MED27: variants seen among roughly 807,000 people sequenced by gnomAD.
MED27 encodes the protein mediator of RNA polymerase II transcription subunit 27.
MED27 carries 30 observed loss-of-function variants against 38.2 expected under a neutral mutation model. The observed-to-expected ratio is 0.79, with a 90% CI of 0.59 to 1.07. MED27 has a LOEUF of 1.07. Ranked by LOEUF, MED27 falls within the 50% of genes least tolerant of loss-of-function variation. The pLI is 0.00. For missense variants in MED27, 289 were observed against 397.5 expected, an observed-to-expected ratio of 0.73 and a Z score of 2.32; for synonymous variants, 122 against 153.5, an observed-to-expected ratio of 0.79 and a Z score of 1.52.
intron 2 of MED27, among the ~76,000 whole-genome samples, chr9:132,016,429 G>A (rs980652218): frequency 7.2e-5 from 11 of 152,164 alleles, no homozygotes; most frequent in Admixed American, 2.0e-4. Context: ...GGTAGAAAGG[G>A]GGGAGCATAA....
chr9:131,963,311 T>C (rs1361616421), intron 3 of MED27, among the ~76,000 whole-genome samples: 1 of 152,116 alleles, frequency 6.6e-6, no homozygotes, highest in Non-Finnish European at 1.5e-5. Flanking sequence ...GAGGTTAGCA[T>C]TTCTGAAACA....
chr9:131,875,572 C>T (rs532362981), intron 6 of MED27, among the ~76,000 whole-genome samples: 27 of 152,324 alleles, frequency 1.8e-4, no homozygotes, highest in South Asian at 4.1e-4. Flanking sequence ...AGAGTGTCAC[C>T]ATTGACAGGC....
intron 2 of MED27, among the ~76,000 whole-genome samples, chr9:132,056,345 A>G (rs547244448): frequency 6.6e-5 from 10 of 152,320 alleles, no homozygotes; most frequent in Admixed American, 5.2e-4. Flanking sequence ...GCAAACTTCA[A>G]ATGTATAAGG....
At chr9:132,026,764 T>C (rs1320573498) in intron 2 of MED27, among the ~76,000 whole-genome samples, 1 of 152,180 alleles carries the variant, frequency 6.6e-6, no homozygotes, top group Non-Finnish European at 1.5e-5. Context: ...AGAACAGTGC[T>C]TGGCCTATCA....
intron 2 of MED27, among the ~76,000 whole-genome samples, chr9:132,054,200 C>T (rs1483581167): frequency 6.6e-6 from 1 of 152,036 alleles, no homozygotes; most frequent in Admixed American, 6.6e-5. Flanking sequence ...GGGGCGGATC[C>T]CTCATGGCTT....
At chr9:131,983,381 A>C (rs1236463716) in intron 3 of MED27, among the ~76,000 whole-genome samples, 2 of 152,254 alleles carry the variant, frequency 1.3e-5, no homozygotes, top group Non-Finnish European at 2.9e-5. Flanking sequence ...TAACCTGCCA[A>C]GCAAACTTTC....
intron 2 of MED27, among the ~76,000 whole-genome samples, chr9:132,069,581 G>C (rs1261036268): frequency 6.6e-6 from 1 of 152,206 alleles, no homozygotes; most frequent in African/African-American, 2.4e-5. Flanking sequence ...GGGATATTCT[G>C]AGATGCTCTG....
chr9:131,908,850 G>C (rs1214118776), intron 4 of MED27, among the ~76,000 whole-genome samples: 1 of 147,342 alleles, frequency 6.8e-6, no homozygotes, highest in Non-Finnish European at 1.5e-5. Context: ...CCCCCTCTGC[G>C]AGAAACACCC....
chr9:131,876,113 C>A (rs1838927653), intron 6 of MED27, among the ~76,000 whole-genome samples: 1 of 152,222 alleles, frequency 6.6e-6, no homozygotes, highest in Non-Finnish European at 1.5e-5. Context: ...GCCATGCTGG[C>A]AGCCCATGCA....
intron 5 of MED27, among the ~76,000 whole-genome samples, chr9:131,887,525 C>G (rs759602870): frequency 8.5e-5 from 13 of 152,162 alleles, no homozygotes; most frequent in Non-Finnish European, 1.5e-4. Flanking sequence ...CAGAAATGAG[C>G]ATTCTGGAGT....
rs956773779 is a variant in MED27 at position 132,051,273 on chromosome 9, C to T, written c.348+26169G>A. 2.0e-5 allele frequency among the ~76,000 whole-genome samples: 3 copies of T among 152,180 alleles called. No homozygotes were observed. The highest frequency in any genetic ancestry group is 7.2e-5 in the African/African-American group (3 of 41,432). On this transcript the variant is annotated intron_variant, in intron 2 of 7. Coordinates refer to ENST00000292035, the MANE Select transcript of MED27 (RefSeq NM_004269.4). This position sits in a 1 kb window ranked among gnomAD's most constrained non-coding sequence, Gnocchi z 4.2. ...CTCATTTGCATTCCAGTAAGCTTTCCTGAGTGGGAAAGAAAGGGGTAGAAT... is the reference window on the plus strand; with the variant it reads ...CTCATTTGCATTCCAGTAAGCTTTCTTGAGTGGGAAAGAAAGGGGTAGAAT...
chr9:132,069,928 C>T (rs970876061), intron 2 of MED27, among the ~76,000 whole-genome samples: 3 of 152,178 alleles, frequency 2.0e-5, no homozygotes, highest in Non-Finnish European at 4.4e-5. Flanking sequence ...ACAGCTTCAC[C>T]GTTCATATTA....
chr9:131,908,060 G>A (rs945615852), intron 4 of MED27, among the ~76,000 whole-genome samples: 25 of 151,654 alleles, frequency 1.6e-4, no homozygotes, highest in Admixed American at 3.9e-4. Context: ...CTCTCCGCCC[G>A]GCAGCCACCC....
intron 2 of MED27, among the ~76,000 whole-genome samples, chr9:132,038,478 C>T (rs1833132751): frequency 6.6e-6 from 1 of 150,570 alleles, no homozygotes; most frequent in African/African-American, 2.4e-5. Flanking sequence ...AGGCGTGAGC[C>T]ACCGCGCCCG....
intron 4 of MED27, among the ~76,000 whole-genome samples, chr9:131,904,354 T>C (rs1465035184): frequency 1.3e-5 from 2 of 152,082 alleles, no homozygotes; most frequent in Admixed American, 6.5e-5. Flanking sequence ...TCCTTGTTTT[T>C]AAAAATTATT....
rs567148643 is a variant in MED27, at chr9:131,997,599, C to A, written c.479+16738G>T. Among the ~76,000 whole-genome samples the A allele has an allele frequency of 6.6e-6, 1 of 152,188 alleles. No homozygotes were observed. The highest frequency in any genetic ancestry group is 1.5e-5 in the Non-Finnish European group (1 of 68,030). On this transcript the variant is annotated intron_variant, in intron 3 of 7. Coordinates refer to ENST00000292035, the MANE Select transcript of MED27 (RefSeq NM_004269.4). This position sits in a 1 kb window ranked among gnomAD's most constrained non-coding sequence, Gnocchi z 4.0. ...CCCACTTTCTTTCACAGGGGGTGAT[C>A]CCTAATAAATATATTGCAGCCCAAT...
intron 3 of MED27, among the ~76,000 whole-genome samples, chr9:131,945,127 AT>A (rs1830861231): frequency 6.8e-6 from 1 of 147,108 alleles, no homozygotes; most frequent in Non-Finnish European, 1.5e-5. Context: ...ATATATAAAA[AT>A]ATCTTTATAT....
intron 3 of MED27, among the ~76,000 whole-genome samples, chr9:131,992,154 T>C (rs1831989711): frequency 6.6e-6 from 1 of 152,194 alleles, no homozygotes; most frequent in African/African-American, 2.4e-5. Context: ...ACAATGTCCT[T>C]CCACGTGTAA....
chr9:131,977,424 G>A (rs1487185492), intron 3 of MED27, among the ~76,000 whole-genome samples: 1 of 152,132 alleles, frequency 6.6e-6, no homozygotes, highest in African/African-American at 2.4e-5. Flanking sequence ...AGAGTAAGTT[G>A]GTCTGCATGA....
Sources: gnomAD v4.1 joint callset for allele counts (sites outside exome capture counted in the v4.1 genomes callset) on GRCh38, gnomAD v4.1.1 for gene constraint, Gnocchi (gnomAD v3.1) non-coding constraint, MANE v1.5 for transcripts, NCBI Gene and HGNC (gene_info 2026-07-23, HGNC 2026-07-21) for gene names.